The following LRP11 variants were observed in gnomAD, a reference collection of about 807,000 sequenced individuals.
LRP11 encodes the protein low-density lipoprotein receptor-related protein 11.
LRP11 carries 25 observed loss-of-function variants against 43.1 expected under a neutral mutation model. That is an observed-to-expected ratio of 0.58 (90% confidence interval 0.42 to 0.81). LRP11 has a LOEUF of 0.81. Among genes scored for constraint, LRP11 ranks in the 30% least tolerant of loss-of-function variants. The pLI, the probability that LRP11 is intolerant of heterozygous loss-of-function variation, is 0.00. For missense variants in LRP11, 623 were observed against 665.1 expected, an observed-to-expected ratio of 0.94 and a Z score of 0.70; for synonymous variants, 316 against 299.4, an observed-to-expected ratio of 1.06 and a Z score of -0.57.
At position 149,862,386 on chromosome 6, in the gene LRP11, C is replaced by G. The variant is rs183285633; in HGVS notation, c.613+1022G>C. ...CAGGGCATGATTAAACACACGGAGCCTGACCACACGTGGGCACAATCAAGG... is the reference window on the plus strand; with the variant it reads ...CAGGGCATGATTAAACACACGGAGCGTGACCACACGTGGGCACAATCAAGG... On this transcript the variant is annotated intron_variant, in intron 1 of 6. Transcript: ENST00000239367. Among the ~76,000 whole-genome samples the G allele has an allele frequency of 7.5e-4, 114 of 152,278 alleles. 1 individual carries two copies. Among genetic ancestry groups the G allele is most frequent in the African/African-American group, 2.7e-3 (113 of 41,550 alleles).
At chr6:149,859,396 A>ATATATATATATATATATATATTT in intron 1 of LRP11, among the ~76,000 whole-genome samples, 6 of 71,494 alleles carry the variant, frequency 8.4e-5, no homozygotes, top group Non-Finnish European at 1.1e-4. Flanking sequence ...ATATATATAT[A>ATATATATATATATATATATATTT]TTTTTTTTTT....
At chr6:149,837,980 C>T (rs1281333417) in intron 3 of LRP11, among the ~76,000 whole-genome samples, 1 of 152,102 alleles carries the variant, frequency 6.6e-6, no homozygotes, top group Non-Finnish European at 1.5e-5. Flanking sequence ...TGCAGTGGCA[C>T]AATCTTGGCT....
chr6:149,862,332 C>G (rs1393431077), intron 1 of LRP11, among the ~76,000 whole-genome samples: 1 of 152,200 alleles, frequency 6.6e-6, no homozygotes, highest in Non-Finnish European at 1.5e-5. Context: ...TTGCTGATAT[C>G]ATTCGTGCTA....
In LRP11 at chr6:149,820,563, C is replaced by T. The variant is rs371401456; in HGVS notation, c.1489G>A (p.Gly497Arg). The T allele has an allele frequency of 7.7e-6, 6 of 780,748 alleles. No homozygotes were observed. The African/African-American group carries it at 8.5e-5, about 11-fold the overall frequency. The allele number at this position is 780,748 out of a possible 1,614,324, so 48.4% of individuals were successfully genotyped here. A position where few individuals can be genotyped will look rare whatever the true frequency, so the allele number is the denominator to read the frequency against. ...AAATTACATTACTATAGATACATCC[C>T]ATTTATGAGGTAGTCCGATTCCTCA... ...TSEESDYLIN[G>R]MYL The change falls in exon 7 of 7, where the codon GGG (glycine) becomes AGG (arginine). Residue 497 changes from glycine to arginine, a missense_variant. Physicochemically the swap from Gly to Arg is moderately radical, Grantham distance 125. Transcript: ENST00000239367.
At chr6:149,852,265 T>C (rs923123852) in intron 2 of LRP11, among the ~76,000 whole-genome samples, 1 of 152,212 alleles carries the variant, frequency 6.6e-6, no homozygotes, top group African/African-American at 2.4e-5. Context: ...TACAAATCAG[T>C]GCCTCCTTAC....
intron 1 of LRP11, among the ~76,000 whole-genome samples, chr6:149,855,404 G>A (rs969285489): frequency 2.0e-5 from 3 of 152,256 alleles, no homozygotes; most frequent in African/African-American, 7.2e-5. Flanking sequence ...ACTCCTGCTT[G>A]TAGGTGCACA....
rs780087727 is a variant in LRP11, at chr6:149,818,783, AG to A, written c.*1765del. ...AATAGCAACTTATGATTATATTAAA[AG>A]GAAAAAAAGGCTTAATAATAAAATA... On this transcript the variant is annotated 3_prime_UTR_variant, in exon 7 of 7. Coordinates refer to ENST00000239367, the MANE Select transcript of LRP11 (RefSeq NM_032832.6). 1.3e-5 allele frequency: 2 copies of A among 152,286 alleles called. No individual in the cohort carries two copies. The highest frequency in any genetic ancestry group is 6.5e-5 in the Admixed American group (1 of 15,284). 9.4% of individuals were successfully genotyped at this position (152,286 alleles called of 1,614,324 possible).
intron 6 of LRP11, among the ~76,000 whole-genome samples, chr6:149,822,834 A>T (rs1776293944): frequency 6.6e-6 from 1 of 152,188 alleles, no homozygotes; most frequent in Non-Finnish European, 1.5e-5. Context: ...TGGGTGGCTG[A>T]AGGAGGTAAG....
intron 1 of LRP11, among the ~76,000 whole-genome samples, chr6:149,862,596 T>TTTTTTTTTTTTTTTA (rs1776931529): frequency 7.7e-6 from 1 of 129,624 alleles, no homozygotes; most frequent in Admixed American, 7.9e-5. Flanking sequence ...TTTTTTTTTT[T>TTTTTTTTTTTTTTTA]AAGATGGAGT....
chr6:149,841,411 G>A (rs1434633944), intron 3 of LRP11, among the ~76,000 whole-genome samples: 1 of 152,140 alleles, frequency 6.6e-6, no homozygotes, highest in Non-Finnish European at 1.5e-5. Flanking sequence ...CCCAGTGCCT[G>A]GCAAGGACCC....
At position 149,863,966 on chromosome 6, in the gene LRP11, G is replaced by C; in HGVS notation, c.55C>G (p.His19Asp). The C allele has an allele frequency of 7.0e-7, 1 of 1,425,796 alleles. No homozygotes were observed. The highest frequency in any genetic ancestry group is 9.1e-7 in the Non-Finnish European group (1 of 1,096,428). 88.3% of individuals were successfully genotyped at this position (1,425,796 alleles called of 1,614,324 possible). A position where few individuals can be genotyped will look rare whatever the true frequency, so the allele number is the denominator to read the frequency against. The change falls in exon 1 of 7, where the codon CAC becomes GAC. Residue 19 changes from histidine to aspartate, a missense_variant. Physicochemically the swap from His to Asp is moderately conservative, Grantham distance 81 (BLOSUM62 -1). Transcript: ENST00000239367. ...AGTAGCAGCCCGCGCAGCGCCCCGT[G>C]ACGCGGCGGTAGCCGGCGCTGCGAG... The part of the protein sequence containing the change: ...AGSQRRLPPR[H>D]GALRGLLLLC...
Position 149,819,844 on chromosome 6 carries a change from G to C in LRP11, c.*705C>G, listed in dbSNP as rs140392383. On this transcript the variant is annotated 3_prime_UTR_variant, in exon 7 of 7. Coordinates refer to ENST00000239367, the MANE Select transcript of LRP11 (RefSeq NM_032832.6). ...ATGCCAGATTCTCTGCTTCCATCTT[G>C]ATTTCCTATCTCACTGCATGACCAT... 1 of 152,092 alleles carries C rather than the reference G, an allele frequency of 6.6e-6. No individual in the cohort carries two copies. Among genetic ancestry groups the C allele is most frequent in the African/African-American group, 2.4e-5 (1 of 41,408 alleles). The allele number at this position is 152,092 out of a possible 1,614,324, so 9.4% of individuals were successfully genotyped here. A position where few individuals can be genotyped will look rare whatever the true frequency, so the allele number is the denominator to read the frequency against.
chr6:149,827,236 GCC>G lies in LRP11; in HGVS notation c.1253-879_1253-878del, dbSNP rs1469462905. ...CAAAGTGCTGGGATGACAGGCGTGA[GCC>G]ACCATGCCCAGCCTTAAGTGGGATT... On this transcript the variant is annotated intron_variant, in intron 5 of 6. Coordinates refer to ENST00000239367, the MANE Select transcript of LRP11 (RefSeq NM_032832.6). This position sits in a 1 kb window ranked among gnomAD's most constrained non-coding sequence, Gnocchi z 4.2. Among the ~76,000 whole-genome samples, 2 of 152,148 alleles carry G rather than the reference GCC, an allele frequency of 1.3e-5. No individual in the cohort carries two copies. The highest frequency in any genetic ancestry group is 2.9e-5 in the Non-Finnish European group (2 of 68,036).
rs1176270338 is a variant in LRP11 at position 149,863,943 on chromosome 6, T to C, written c.78A>G (p.Leu26=). Residue 26 remains leucine, a synonymous_variant, in exon 1 of 7, where the codon CTA becomes CTG. Coordinates refer to ENST00000239367, the MANE Select transcript of LRP11 (RefSeq NM_032832.6). Reference sequence around the variant, plus strand: ...CGCTTGGCAGCCACAGGCAGAGCAGTAGCAGCCCGCGCAGCGCCCCGTGAC... The same window carrying C: ...CGCTTGGCAGCCACAGGCAGAGCAGCAGCAGCCCGCGCAGCGCCCCGTGAC... The part of the protein sequence containing the change: ...PPRHGALRGL[L]LLCLWLPSGR... The C allele has an allele frequency of 4.1e-6, 6 of 1,454,796 alleles. No homozygotes were observed. Among genetic ancestry groups the C allele is most frequent in the East Asian group, 3.0e-5 (1 of 32,990 alleles). 90.1% of individuals were successfully genotyped at this position (1,454,796 alleles called of 1,614,324 possible). A position where few individuals can be genotyped will look rare whatever the true frequency, so the allele number is the denominator to read the frequency against.
chr6:149,836,055 C>T (rs1776466538), intron 5 of LRP11, 30 bp downstream of exon 5: 1 of 1,593,160 alleles, frequency 6.3e-7, no homozygotes, highest in Non-Finnish European at 8.6e-7. Flanking sequence ...AAACAAGGTT[C>T]TTCATTGAGA....
rs150292247 is a variant in LRP11, at chr6:149,838,386, T to G, written c.914-923A>C. Among the ~76,000 whole-genome samples, 232 of 152,010 alleles carry G rather than the reference T, an allele frequency of 1.5e-3. 1 individual carries two copies. Among genetic ancestry groups the G allele is most frequent in the African/African-American group, 5.3e-3 (218 of 41,490 alleles). ...GTTATGGGCTGGCATGAATTTAGTT[T>G]CATGAAATAATGACATTGGCCAGGC... On this transcript the variant is annotated intron_variant, in intron 3 of 6. Transcript: ENST00000239367.
intron 2 of LRP11, among the ~76,000 whole-genome samples, chr6:149,847,017 A>AGAATAGAATAGAAT (rs1562443374): frequency 1.3e-5 from 2 of 150,886 alleles, no homozygotes; most frequent in South Asian, 2.1e-4. Context: ...AGAATAGAAT[A>AGAATAGAATAGAAT]AACCAAGGAA....
chr6:149,826,993 CAG>C (rs1451942286), intron 5 of LRP11, among the ~76,000 whole-genome samples: 4 of 144,940 alleles, frequency 2.8e-5, no homozygotes, highest in Non-Finnish European at 6.0e-5. Context: ...TTTTTTGAGA[CAG>C]AGTCTCTGTT....
chr6:149,838,622 T>C (rs1024508431), intron 3 of LRP11, among the ~76,000 whole-genome samples: 12 of 151,300 alleles, frequency 7.9e-5, no homozygotes, highest in African/African-American at 2.9e-4. Context: ...GAGGCAGAGG[T>C]TGCAGTGAGC....
Sources: allele counts gnomAD v4.1 joint callset (sites outside exome capture counted in the v4.1 genomes callset), GRCh38; gene constraint gnomAD v4.1.1; non-coding constraint Gnocchi (gnomAD v3.1); transcripts MANE v1.5; gene names NCBI Gene and HGNC (gene_info 2026-07-23, HGNC 2026-07-21).